The following PRR16 variants were observed in gnomAD, a reference collection of about 807,000 sequenced individuals.
PRR16 encodes proline rich 16.
PRR16 carries 6 observed loss-of-function variants against 18.2 expected under a neutral mutation model. That is an observed-to-expected ratio of 0.33 (90% CI 0.18 to 0.65). PRR16 has a LOEUF of 0.65. PRR16 is among the 30% of genes least tolerant of loss of function. The pLI, the probability that PRR16 is intolerant of heterozygous loss-of-function variation, is 0.74. For synonymous variants in PRR16, 151 were observed against 147.8 expected (o/e 1.02, Z -0.16); for missense variants, 412 against 376.6 (o/e 1.09, Z -0.78).
chr5:120,551,541 G>A lies in PRR16; in HGVS notation c.159+86896G>A, dbSNP rs187966183. On this transcript the variant is annotated intron_variant, in intron 1 of 1. Coordinates refer to ENST00000407149, the MANE Select transcript of PRR16 (RefSeq NM_001300783.2). ...GGCATATAATCAATGTATGATGAAT[G>A]CATGGTAGTTTCTTTTGTATACTGG... Among the ~76,000 whole-genome samples the A allele has an allele frequency of 3.0e-3, 458 of 151,972 alleles. 2 individuals are homozygous for A. Among genetic ancestry groups the A allele is most frequent in the African/African-American group, 0.011 (438 of 41,524 alleles).
At chr5:120,713,150 TAAAA>T in the PRR16 span, among the ~76,000 whole-genome samples, 2 of 152,124 alleles carry the variant, frequency 1.3e-5, no homozygotes, top group East Asian at 3.9e-4. Context: ...TATTTAACCT[TAAAA>T]AAGAAGAAAA....
chr5:120,489,672 T>C (rs1014524848), intron 1 of PRR16, among the ~76,000 whole-genome samples: 28 of 152,328 alleles, frequency 1.8e-4, no homozygotes, highest in African/African-American at 5.5e-4. Flanking sequence ...AATATTGTTA[T>C]GTGTGGATTT....
the PRR16 span, among the ~76,000 whole-genome samples, chr5:120,737,065 A>G: frequency 6.6e-6 from 1 of 152,156 alleles, no homozygotes; most frequent in African/African-American, 2.4e-5. Context: ...ATGCAGAAAA[A>G]TGATTTTATT....
At chr5:120,646,356 T>G (rs74700935) in intron 1 of PRR16, among the ~76,000 whole-genome samples, 4 of 151,908 alleles carry the variant, frequency 2.6e-5, no homozygotes, top group East Asian at 3.9e-4. Flanking sequence ...TGCCCCTCTT[T>G]GTTAAATAAA....
intron 1 of PRR16, among the ~76,000 whole-genome samples, chr5:120,474,575 C>T: frequency 6.7e-6 from 1 of 148,558 alleles, no homozygotes. Context: ...TCTTTTGTGT[C>T]TTGTATTTGC....
intron 1 of PRR16, among the ~76,000 whole-genome samples, chr5:120,655,979 C>A (rs1007057288): frequency 6.6e-6 from 1 of 151,662 alleles, no homozygotes; most frequent in African/African-American, 2.4e-5. Flanking sequence ...CTGAACCGAG[C>A]CTTTTACCTG....
chr5:120,485,510 C>A (rs1749768145), intron 1 of PRR16, among the ~76,000 whole-genome samples: 1 of 152,174 alleles, frequency 6.6e-6, no homozygotes, highest in Non-Finnish European at 1.5e-5. Flanking sequence ...TTTGTTCTTG[C>A]AATGTATTTG....
intron 1 of PRR16, among the ~76,000 whole-genome samples, chr5:120,594,324 A>T (rs986910684): frequency 3.3e-5 from 5 of 152,124 alleles, no homozygotes; most frequent in Non-Finnish European, 7.4e-5. Context: ...ATCCAAGCTG[A>T]GAGCCAAATC....
chr5:120,626,484 G>T (rs1754869695), intron 1 of PRR16, among the ~76,000 whole-genome samples: 1 of 152,112 alleles, frequency 6.6e-6, no homozygotes, highest in Non-Finnish European at 1.5e-5. Flanking sequence ...GAGCATGAGG[G>T]ATCTTTTGCA....
Position 120,547,497 on chromosome 5 carries a change from G to C in PRR16, c.159+82852G>C, listed in dbSNP as rs1048993031. Among the ~76,000 whole-genome samples, 5 of 151,766 alleles carry C rather than the reference G, an allele frequency of 3.3e-5. No homozygotes were observed. In the East Asian group the frequency reaches 5.9e-4, roughly 18 times the overall value. ...GAGTCTCTCTAAACTTAGAGCCTCT[G>C]TTTACTTTTATATGTGTTTCTGCCC... On this transcript the variant is annotated intron_variant, in intron 1 of 1. Coordinates refer to ENST00000407149, the MANE Select transcript of PRR16 (RefSeq NM_001300783.2).
At chr5:120,744,260 C>G in the PRR16 span, among the ~76,000 whole-genome samples, 1 of 152,108 alleles carries the variant, frequency 6.6e-6, no homozygotes, top group Admixed American at 6.5e-5. Flanking sequence ...GTTGGAAGAA[C>G]TTCAAACAAG....
chr5:120,670,056 T>G (rs764471994), intron 1 of PRR16, among the ~76,000 whole-genome samples: 9 of 152,164 alleles, frequency 5.9e-5, no homozygotes, highest in Non-Finnish European at 1.0e-4. Flanking sequence ...TGATGCACTG[T>G]AGGTGATGTA....
the PRR16 span, among the ~76,000 whole-genome samples, chr5:120,697,692 G>C: frequency 6.6e-6 from 1 of 152,118 alleles, no homozygotes; most frequent in African/African-American, 2.4e-5. Flanking sequence ...GATTTGGGTA[G>C]GTAAAGGAAA....
At chr5:120,576,186 A>G (rs1003009202) in intron 1 of PRR16, among the ~76,000 whole-genome samples, 9 of 152,182 alleles carry the variant, frequency 5.9e-5, no homozygotes, top group African/African-American at 2.2e-4. Context: ...CTTCTGCCCA[A>G]GAAAGAAAAC....
chr5:120,592,065 C>G (rs1213913082), intron 1 of PRR16, among the ~76,000 whole-genome samples: 1 of 151,352 alleles, frequency 6.6e-6, no homozygotes, highest in Non-Finnish European at 1.5e-5. Flanking sequence ...ACGTCTATCA[C>G]TTTCATCATC....
chr5:120,531,115 A>G (rs1435560674), intron 1 of PRR16, among the ~76,000 whole-genome samples: 1 of 152,166 alleles, frequency 6.6e-6, no homozygotes, highest in Non-Finnish European at 1.5e-5. Context: ...TAGCTCAGAA[A>G]ATTAGGTAGT....
the PRR16 span, among the ~76,000 whole-genome samples, chr5:120,748,134 A>G: frequency 2.6e-5 from 4 of 152,122 alleles, no homozygotes; most frequent in Admixed American, 2.6e-4. Context: ...TGGGATTTTT[A>G]ATAATGATTA....
chr5:120,708,428 G>A, the PRR16 span, among the ~76,000 whole-genome samples: 5 of 152,140 alleles, frequency 3.3e-5, no homozygotes, highest in African/African-American at 1.2e-4. Context: ...TATAATAGCA[G>A]TAATGAGCTC....
intron 1 of PRR16, among the ~76,000 whole-genome samples, chr5:120,514,432 C>A (rs147311390): frequency 3.9e-5 from 6 of 152,290 alleles, no homozygotes; most frequent in African/African-American, 1.4e-4. Context: ...GCTGAGAGTT[C>A]TCTAGATCTT....
Sources: gnomAD v4.1 joint callset for allele counts (sites outside exome capture counted in the v4.1 genomes callset) on GRCh38, gnomAD v4.1.1 for gene constraint, MANE v1.5 for transcripts, NCBI Gene and HGNC (gene_info 2026-07-23, HGNC 2026-07-21) for gene names.